Variants in OR7E24 observed in about 807,000 individuals in gnomAD.
The protein encoded by OR7E24 is olfactory receptor family 7 subfamily E member 24.
For synonymous variants in OR7E24, 130 were observed against 157.5 expected (o/e 0.83, Z 1.31); for missense variants, 385 against 410.3 (o/e 0.94, Z 0.53).
chr19:9,223,920 G>A, the OR7E24 span, among the ~76,000 whole-genome samples: 75 of 151,598 alleles, frequency 4.9e-4, 1 homozygote, highest in African/African-American at 1.7e-3. Context: ...GCACAATCTC[G>A]GCTCACTGCA....
the OR7E24 span, chr19:9,213,650 A>G: frequency 2.3e-6 from 1 of 437,150 alleles, no homozygotes; most frequent in Admixed American, 3.8e-5. Flanking sequence ...AGGCAGGAGA[A>G]CCGCTTCAAC....
chr19:9,251,408 T>G lies in OR7E24; in HGVS notation c.365T>G (p.Phe122Cys), dbSNP rs1568336159. 2 of 1,614,120 alleles carry G rather than the reference T, an allele frequency of 1.2e-6. No individual in the cohort carries two copies. The highest frequency in any genetic ancestry group is 2.2e-5 in the East Asian group (1 of 44,878). Residue 122 changes from phenylalanine to cysteine, a missense_variant, in exon 1 of 1, where the codon TTT becomes TGT. Coordinates refer to ENST00000456448, the MANE Select transcript of OR7E24 (RefSeq NM_001079935.2). ...GGCTGCCTGACTCAGATGTCTTTTT[T>G]TGTCCTTTTTGCATGTATGGATGAC... is the stretch of plus-strand genomic sequence containing the variant. Reference protein sequence around the residue: ...YEGCLTQMSFFVLFACMDDML... With the variant: ...YEGCLTQMSFCVLFACMDDML...
At chr19:9,236,750 T>C in the OR7E24 span, among the ~76,000 whole-genome samples, 1 of 152,232 alleles carries the variant, frequency 6.6e-6, no homozygotes, top group African/African-American at 2.4e-5. Flanking sequence ...TATAAAACTC[T>C]TCATGTCAAA....
At chr19:9,237,977 A>T in the OR7E24 span, among the ~76,000 whole-genome samples, 32 of 144,524 alleles carry the variant, frequency 2.2e-4, no homozygotes, top group Admixed American at 2.1e-3. Flanking sequence ...ATACTTTTTT[A>T]AAAAAACAAC....
In OR7E24 at chr19:9,251,274, G is replaced by A. The variant is rs778272420; in HGVS notation, c.231G>A (p.Met77Ile). The change falls in exon 1 of 1, where the codon ATG (methionine) becomes ATA (isoleucine). Residue 77 changes from methionine to isoleucine, a missense_variant. By Grantham distance (10) the Met-to-Ile change is conservative (BLOSUM62 1). Coordinates refer to ENST00000456448, the MANE Select transcript of OR7E24 (RefSeq NM_001079935.2). ...CTGACTCCCACCTCCACACCCCCATGTACTTCTTCCTCTCCAACCTGTCCT... is the reference window on the plus strand; with the variant it reads ...CTGACTCCCACCTCCACACCCCCATATACTTCTTCCTCTCCAACCTGTCCT... ...VSSDSHLHTP[M>I]YFFLSNLSLA... The A allele has an allele frequency of 1.2e-6, 2 of 1,613,914 alleles. No individual in the cohort carries two copies. The highest frequency in any genetic ancestry group is 1.7e-6 in the Non-Finnish European group (2 of 1,179,964).
chr19:9,243,189 G>A (rs1380807933), upstream of OR7E24, among the ~76,000 whole-genome samples: 1 of 152,034 alleles, frequency 6.6e-6, no homozygotes, highest in Non-Finnish European at 1.5e-5. Context: ...GGTAGTAGAT[G>A]GTGTCAGGGT....
the OR7E24 span, chr19:9,206,806 G>T: frequency 6.6e-6 from 1 of 152,142 alleles, no homozygotes; most frequent in African/African-American, 2.4e-5. Context: ...TATTACATCT[G>T]TAAAATCACT....
the OR7E24 span, among the ~76,000 whole-genome samples, chr19:9,218,401 A>G: frequency 1.3e-5 from 2 of 152,224 alleles, no homozygotes; most frequent in African/African-American, 4.8e-5. Context: ...GAAATCATAA[A>G]CAAAATCACA....
chr19:9,213,581 T>G, the OR7E24 span: 1 of 293,476 alleles, frequency 3.4e-6, no homozygotes, highest in Non-Finnish European at 6.5e-6. Flanking sequence ...CTACTAAAAA[T>G]ACAAAAATTA....
chr19:9,235,706 C>T, the OR7E24 span: 1 of 1,603,926 alleles, frequency 6.2e-7, no homozygotes, highest in Non-Finnish European at 8.5e-7. Context: ...CTCAAGGTGG[C>T]CCGCTCTGAT....
upstream of OR7E24, among the ~76,000 whole-genome samples, chr19:9,247,893 T>TC (rs1167264470): frequency 6.6e-5 from 10 of 152,290 alleles, no homozygotes; most frequent in East Asian, 1.9e-3. Context: ...GCTCATTGGC[T>TC]GTTTGTATAT....
the OR7E24 span, among the ~76,000 whole-genome samples, chr19:9,234,773 A>C: frequency 1.3e-4 from 20 of 152,340 alleles, no homozygotes; most frequent in South Asian, 4.1e-3. Flanking sequence ...CACAGAAAAA[A>C]AGATTGCCTG....
At chr19:9,230,514 ACT>A in the OR7E24 span, among the ~76,000 whole-genome samples, 1 of 151,554 alleles carries the variant, frequency 6.6e-6, no homozygotes, top group African/African-American at 2.4e-5. Flanking sequence ...AATCCTCTCC[ACT>A]CTCTGCCATA....
chr19:9,251,767 C>A lies in OR7E24; in HGVS notation c.724C>A (p.Pro242Thr), dbSNP rs2240928. ...ILFSYYKIVS[P>T]ILRVPTSDGK... ...TTTCTCTTACTATAAAATTGTTTCC[C>A]CCATTCTGAGAGTTCCAACATCAGA... The change falls in exon 1 of 1, where the codon CCC (proline) becomes ACC (threonine). Residue 242 changes from proline (P) to threonine (T), a missense_variant. Coordinates refer to ENST00000456448, the MANE Select transcript of OR7E24 (RefSeq NM_001079935.2). The A allele has an allele frequency of 6.2e-7, 1 of 1,610,254 alleles. No individual in the cohort carries two copies. Among genetic ancestry groups the A allele is most frequent in the Non-Finnish European group, 8.5e-7 (1 of 1,178,124 alleles).
chr19:9,227,785 G>A, the OR7E24 span, among the ~76,000 whole-genome samples: 1 of 121,538 alleles, frequency 8.2e-6, no homozygotes, highest in African/African-American at 3.3e-5. Context: ...ACGGAGTCTC[G>A]CTCTGTCGCC....
chr19:9,248,591 C>T (rs995365821), upstream of OR7E24, among the ~76,000 whole-genome samples: 4 of 152,074 alleles, frequency 2.6e-5, no homozygotes, highest in Admixed American at 2.0e-4. Context: ...GTGGGTGCCA[C>T]GTTCACTGTG....
the OR7E24 span, among the ~76,000 whole-genome samples, chr19:9,239,794 C>T: frequency 7.6e-4 from 114 of 150,546 alleles, no homozygotes; most frequent in African/African-American, 2.7e-3. Flanking sequence ...CTGCAACCTC[C>T]GCCTCCCAGC....
In OR7E24 at chr19:9,252,086, C is replaced by A; in HGVS notation, c.*23C>A. On this transcript the variant is annotated 3_prime_UTR_variant, in exon 1 of 1. Coordinates refer to ENST00000456448, the MANE Select transcript of OR7E24 (RefSeq NM_001079935.2). The stretch of plus-strand genomic sequence containing the variant: ...TAGAAATGGCAGCAAAATTTAACAC[C>A]TAGGCCTGCAAATTCTGCCTCCTTG... 2 of 1,591,454 alleles carry A rather than the reference C, an allele frequency of 1.3e-6. No individual in the cohort carries two copies. The highest frequency in any genetic ancestry group is 1.7e-6 in the Non-Finnish European group (2 of 1,167,154).
the OR7E24 span, among the ~76,000 whole-genome samples, chr19:9,225,646 G>A: frequency 1.3e-5 from 2 of 152,028 alleles, no homozygotes; most frequent in Admixed American, 1.3e-4. Context: ...TCATCCTATT[G>A]GCCTCTCTTC....
Sources: allele counts gnomAD v4.1 joint callset (sites outside exome capture counted in the v4.1 genomes callset), GRCh38; gene constraint gnomAD v4.1.1; transcripts MANE v1.5; gene names NCBI Gene and HGNC (gene_info 2026-07-23, HGNC 2026-07-21).